Variants in CLASP2 observed in about 807,000 individuals in gnomAD.
The protein encoded by CLASP2 is CLIP-associating protein 2.
In CLASP2, 47 loss-of-function variants were observed where a neutral mutation model predicts 194.4. The ratio of observed to expected loss-of-function variants is 0.24; its 90% confidence interval spans 0.19 to 0.31. CLASP2 has a LOEUF of 0.31. Ranked by LOEUF, CLASP2 falls within the 10% of genes least tolerant of loss-of-function variation. The probability of loss-of-function intolerance (pLI) is 1.00; values close to 1 mark genes in which losing one functional copy is unlikely to be tolerated. For synonymous variants in CLASP2, 619 were observed against 633.5 expected, an observed-to-expected ratio of 0.98 and a Z score of 0.34; for missense variants, 1,445 against 1,823.6, an observed-to-expected ratio of 0.79 and a Z score of 3.78.
intron 37 of CLASP2, among the ~76,000 whole-genome samples, chr3:33,508,925 A>G (rs937208925): frequency 1.3e-5 from 2 of 152,184 alleles, no homozygotes; most frequent in Non-Finnish European, 2.9e-5. Context: ...GCTTTCAGTC[A>G]ATAATTCTCA....
In CLASP2 at chr3:33,576,374, A is replaced by C. The variant is rs575503775; in HGVS notation, c.2348-99T>G. 5 of 799,156 alleles carry C rather than the reference A, an allele frequency of 6.3e-6. No individual in the cohort carries two copies. In the African/African-American group the frequency reaches 8.8e-5, roughly 14 times the overall value. 49.5% of individuals were successfully genotyped at this position (799,156 alleles called of 1,614,324 possible). A position where few individuals can be genotyped will look rare whatever the true frequency, so the allele number is the denominator to read the frequency against. On this transcript the variant is annotated intron_variant, in intron 23 of 38. Coordinates refer to ENST00000682230, the MANE Select transcript of CLASP2 (RefSeq NM_001365631.1). ...GACCTTTACAGGGGAAGGAAAAAAAACCAATGGGGCAAAGCATTTTAAAAG... is the reference window on the plus strand; with the variant it reads ...GACCTTTACAGGGGAAGGAAAAAAACCCAATGGGGCAAAGCATTTTAAAAG...
intron 7 of CLASP2, among the ~76,000 whole-genome samples, chr3:33,650,224 T>A (rs1459522142): frequency 1.3e-5 from 2 of 152,158 alleles, no homozygotes; most frequent in East Asian, 3.8e-4. Context: ...TTAAATTCAG[T>A]GGGCATGCAT....
At chr3:33,602,627 A>T in intron 18 of CLASP2, 2 of 736,996 alleles carry the variant, frequency 2.7e-6, no homozygotes, top group Non-Finnish European at 5.0e-6. Flanking sequence ...AGAAAACAGG[A>T]AAGTTAGATA....
chr3:33,572,637 T>C (rs1197184233), intron 25 of CLASP2, among the ~76,000 whole-genome samples: 3 of 152,104 alleles, frequency 2.0e-5, no homozygotes, highest in African/African-American at 7.2e-5. Context: ...TTAACAAATA[T>C]CTGTTCTTAA....
chr3:33,693,998 C>G (rs933259952), intron 2 of CLASP2, among the ~76,000 whole-genome samples: 1 of 151,666 alleles, frequency 6.6e-6, no homozygotes, highest in African/African-American at 2.4e-5. Flanking sequence ...AAGAAAAATT[C>G]AATGTGGGGT....
intron 18 of CLASP2, among the ~76,000 whole-genome samples, chr3:33,597,947 T>C (rs551721379): frequency 1.3e-5 from 2 of 151,920 alleles, no homozygotes; most frequent in Non-Finnish European, 2.9e-5. Context: ...GAGACGAGGT[T>C]TCACCATGTT....
chr3:33,563,450 A>G (rs866043216), intron 27 of CLASP2, among the ~76,000 whole-genome samples: 6 of 152,178 alleles, frequency 3.9e-5, no homozygotes, highest in Admixed American at 2.0e-4. Flanking sequence ...AAAGGCACCA[A>G]GCATTTCTGA....
At chr3:33,699,550 T>C (rs375234662) in intron 1 of CLASP2, among the ~76,000 whole-genome samples, 91 of 152,230 alleles carry the variant, frequency 6.0e-4, no homozygotes, top group Non-Finnish European at 9.1e-4. Flanking sequence ...TGGAATGACA[T>C]TGTTACAGTA....
chr3:33,617,951 A>AT (rs34651802), intron 12 of CLASP2, among the ~76,000 whole-genome samples: 283 of 116,512 alleles, frequency 2.4e-3, no homozygotes, highest in Middle Eastern at 9.2e-3. Context: ...ATATATATAT[A>AT]TTTTTTTTTT....
rs1332421368 is a variant in CLASP2 at position 33,717,916 on chromosome 3, C to G, written c.87G>C (p.Leu29=). ...TGGCGCCGGGGGCGCCAAGGTAGAGCAGGAGCTCCTGGCCGACCTGCAGCC... is the reference window on the plus strand; with the variant it reads ...TGGCGCCGGGGGCGCCAAGGTAGAGGAGGAGCTCCTGGCCGACCTGCAGCC... ...GGRLQVGQEL[L]LYLGAPGAIS... The change falls in exon 1 of 39, where the codon CTG becomes CTC. Residue 29 remains leucine, a synonymous_variant. Transcript: ENST00000682230. The G allele has an allele frequency of 1.9e-6, 3 of 1,552,686 alleles. No homozygotes were observed. The highest frequency in any genetic ancestry group is 2.6e-6 in the Non-Finnish European group (3 of 1,148,858).
At chr3:33,561,551 C>T (rs2061789877) in intron 27 of CLASP2, among the ~76,000 whole-genome samples, 3 of 152,012 alleles carry the variant, frequency 2.0e-5, no homozygotes. Flanking sequence ...AAAATAAATC[C>T]AAGATGAATG....
In CLASP2 at chr3:33,535,243, C is replaced by G; in HGVS notation, c.3777G>C (p.Gln1259His). 6.2e-7 allele frequency: 1 copy of G among 1,612,614 alleles called. No individual in the cohort carries two copies. Among genetic ancestry groups the G allele is most frequent in the Non-Finnish European group, 8.5e-7 (1 of 1,178,750 alleles). The change falls in exon 34 of 39, where the codon CAG becomes CAC. Residue 1259 changes from glutamine (Q) to histidine (H), a missense_variant. Coordinates refer to ENST00000682230, the MANE Select transcript of CLASP2 (RefSeq NM_001365631.1). ...TGACCCAGAACATACCGTCAGGAAACTGGTCAGCATCATCATCAAACATGG... is the reference window on the plus strand; with the variant it reads ...TGACCCAGAACATACCGTCAGGAAAGTGGTCAGCATCATCATCAAACATGG... ...KEAMFDDDADQFPDDLSLDHS... is the reference protein window; with the variant it reads ...KEAMFDDDADHFPDDLSLDHS...
chr3:33,546,428 CTAA>C (rs1203343821), intron 30 of CLASP2, among the ~76,000 whole-genome samples: 2 of 152,012 alleles, frequency 1.3e-5, no homozygotes, highest in African/African-American at 4.8e-5. Flanking sequence ...TTTAAATTTC[CTAA>C]TGTCATATTT....
At chr3:33,673,540 A>G (rs1033714662) in intron 6 of CLASP2, among the ~76,000 whole-genome samples, 4 of 152,134 alleles carry the variant, frequency 2.6e-5, no homozygotes, top group African/African-American at 9.7e-5. Context: ...TCAACTAACG[A>G]GCAAAATAAC....
chr3:33,507,089 C>T (rs1331378885), intron 37 of CLASP2, among the ~76,000 whole-genome samples: 1 of 152,062 alleles, frequency 6.6e-6, no homozygotes, highest in African/African-American at 2.4e-5. Context: ...CAGAGGCGCA[C>T]CACCACACCC....
intron 4 of CLASP2, 146 bp downstream of exon 4, chr3:33,688,131 A>T: frequency 1.8e-6 from 1 of 551,100 alleles, no homozygotes; most frequent in Non-Finnish European, 3.2e-6. Context: ...TACACAAAAA[A>T]TGAACAGTAA....
intron 10 of CLASP2, among the ~76,000 whole-genome samples, chr3:33,623,751 C>T (rs2077505751): frequency 6.6e-6 from 1 of 152,160 alleles, no homozygotes; most frequent in Non-Finnish European, 1.5e-5. Context: ...GTGCAGATAT[C>T]TTTCCAATAT....
intron 9 of CLASP2, among the ~76,000 whole-genome samples, chr3:33,628,198 G>T (rs1387591200): frequency 6.6e-6 from 1 of 152,190 alleles, no homozygotes; most frequent in Admixed American, 6.6e-5. Flanking sequence ...ATGCAAAGGA[G>T]AACAAGGCAT....
chr3:33,683,114 T>A (rs916780813), intron 6 of CLASP2: 3 of 152,238 alleles, frequency 2.0e-5, no homozygotes, highest in Admixed American at 6.5e-5. Context: ...ATGAATGAAT[T>A]AATATTTTTA....
Sources: allele counts gnomAD v4.1 joint callset (sites outside exome capture counted in the v4.1 genomes callset), GRCh38; gene constraint gnomAD v4.1.1; transcripts MANE v1.5; gene names NCBI Gene and HGNC (gene_info 2026-07-23, HGNC 2026-07-21).